Variants in ZNF804B observed in about 807,000 individuals in gnomAD.
ZNF804B encodes the protein zinc finger protein 804B.
ZNF804B carries 80 observed loss-of-function variants against 101.4 expected under a neutral mutation model. The ratio of observed to expected loss-of-function variants is 0.79; its 90% CI spans 0.66 to 0.95. The LOEUF (loss-of-function observed/expected upper bound fraction) is 0.95. Among genes scored for constraint, ZNF804B ranks in the 40% least tolerant of loss-of-function variants. The pLI, the probability that ZNF804B is intolerant of heterozygous loss-of-function variation, is 0.00. For synonymous variants in ZNF804B, 622 were observed against 558.8 expected, an observed-to-expected ratio of 1.11 and a Z score of -1.59; for missense variants, 1,673 against 1,561.9, an observed-to-expected ratio of 1.07 and a Z score of -1.20.
intron 1 of ZNF804B, among the ~76,000 whole-genome samples, chr7:89,116,112 C>T (rs996871782): frequency 1.3e-5 from 2 of 151,394 alleles, no homozygotes; most frequent in Non-Finnish European, 2.9e-5. Flanking sequence ...CAGTGTTTCG[C>T]CATGTTCCCC....
rs1008440662 is a variant in ZNF804B at position 88,987,702 on chromosome 7, A to C, written c.108+227618A>C. 3.3e-5 allele frequency among the ~76,000 whole-genome samples: 5 copies of C among 152,126 alleles called. 1 individual carries two copies. Among genetic ancestry groups the C allele is most frequent in the East Asian group, 1.9e-4 (1 of 5,180 alleles). On this transcript the variant is annotated intron_variant, in intron 1 of 3. Transcript: ENST00000333190. ...ACAAGCATACAATGTGTAACAAATAAGCCTGGGTAATTGGGATATCCATCA... is the reference window on the plus strand; with the variant it reads ...ACAAGCATACAATGTGTAACAAATACGCCTGGGTAATTGGGATATCCATCA...
chr7:89,060,654 C>T (rs534784042), intron 1 of ZNF804B, among the ~76,000 whole-genome samples: 138 of 152,180 alleles, frequency 9.1e-4, no homozygotes, highest in African/African-American at 3.2e-3. Context: ...ACACATAATG[C>T]CAATTTGATG....
At chr7:88,984,560 T>G (rs1793734035) in intron 1 of ZNF804B, among the ~76,000 whole-genome samples, 1 of 152,118 alleles carries the variant, frequency 6.6e-6, no homozygotes, top group Non-Finnish European at 1.5e-5. Flanking sequence ...TGTGCCAGAC[T>G]TCTGAATAGC....
intron 1 of ZNF804B, among the ~76,000 whole-genome samples, chr7:89,200,167 G>C (rs756191762): frequency 6.6e-6 from 1 of 151,574 alleles, no homozygotes; most frequent in Non-Finnish European, 1.5e-5. Flanking sequence ...GGTTGAGCTT[G>C]GATTAAAAGA....
In ZNF804B at chr7:89,316,174, G is replaced by A. The variant is rs112924805; in HGVS notation, c.250-11170G>A. 3.6e-3 allele frequency among the ~76,000 whole-genome samples: 541 copies of A among 152,214 alleles called. 5 individuals carry two copies. Among genetic ancestry groups the A allele is most frequent in the African/African-American group, 0.012 (519 of 41,530 alleles). ...CAAAGGTGGTTCTGGATAGGGGTTA[G>A]CAAGATTAATATGTTGAAGGGAAAT... On this transcript the variant is annotated intron_variant, in intron 2 of 3. Transcript: ENST00000333190.
At chr7:89,114,047 C>T (rs1790271575) in intron 1 of ZNF804B, among the ~76,000 whole-genome samples, 1 of 151,818 alleles carries the variant, frequency 6.6e-6, no homozygotes, top group South Asian at 2.1e-4. Flanking sequence ...AATAAGTAAA[C>T]AGAAGTGGTT....
intron 1 of ZNF804B, among the ~76,000 whole-genome samples, chr7:89,058,411 A>G (rs1789328387): frequency 6.6e-6 from 1 of 152,100 alleles, no homozygotes; most frequent in Admixed American, 6.6e-5. Flanking sequence ...TGATATTATC[A>G]CTATAAAAAG....
chr7:89,277,164 A>G (rs1480191122), intron 2 of ZNF804B, among the ~76,000 whole-genome samples: 1 of 149,044 alleles, frequency 6.7e-6, no homozygotes, highest in Non-Finnish European at 1.5e-5. Context: ...ATAAAATGTT[A>G]TATATAGATA....
intron 1 of ZNF804B, among the ~76,000 whole-genome samples, chr7:88,885,659 C>T (rs1474852756): frequency 6.7e-6 from 1 of 150,178 alleles, no homozygotes. Context: ...TATCTCCTTT[C>T]TGCATCTTTC....
chr7:88,823,868 C>A (rs1277183776), intron 1 of ZNF804B, among the ~76,000 whole-genome samples: 3 of 152,064 alleles, frequency 2.0e-5, no homozygotes, highest in Non-Finnish European at 4.4e-5. Context: ...AAGCATAAGA[C>A]CTGAAGAGGC....
At chr7:89,247,025 A>G (rs528771362) in intron 2 of ZNF804B, among the ~76,000 whole-genome samples, 1 of 152,084 alleles carries the variant, frequency 6.6e-6, no homozygotes, top group Non-Finnish European at 1.5e-5. Flanking sequence ...CCTCTCCACT[A>G]CATGCCTGCA....
intron 1 of ZNF804B, among the ~76,000 whole-genome samples, chr7:88,888,597 A>G (rs534159623): frequency 1.3e-5 from 2 of 152,284 alleles, no homozygotes; most frequent in East Asian, 3.9e-4. Flanking sequence ...TAGAAAAAAA[A>G]GACTGATTGC....
rs550482586 is a variant in ZNF804B, at chr7:89,305,850, T to G, written c.250-21494T>G. Among the ~76,000 whole-genome samples, 88 of 152,112 alleles carry G rather than the reference T, an allele frequency of 5.8e-4. 1 individual carries two copies. The highest frequency in any genetic ancestry group is 2.0e-3 in the African/African-American group (85 of 41,554). On this transcript the variant is annotated intron_variant, in intron 2 of 3. Coordinates refer to ENST00000333190, the MANE Select transcript of ZNF804B (RefSeq NM_181646.5). ...ATTCATCCATAGATTTACATCTATG[T>G]ACATTGAATAAAGATGTGTACTTTT...
intron 1 of ZNF804B, among the ~76,000 whole-genome samples, chr7:88,964,812 T>A (rs1295184911): frequency 6.6e-6 from 1 of 151,438 alleles, no homozygotes; most frequent in East Asian, 2.0e-4. Context: ...AACAGGCTCT[T>A]AGAAGCTCAC....
At chr7:89,332,460 G>GGAA (rs3061254) in intron 3 of ZNF804B, among the ~76,000 whole-genome samples, 3 of 151,630 alleles carry the variant, frequency 2.0e-5, no homozygotes, top group Non-Finnish European at 2.9e-5. Context: ...ACAAGAAAAA[G>GGAA]AATGCCAGTT....
intron 1 of ZNF804B, among the ~76,000 whole-genome samples, chr7:88,904,816 C>T (rs1792444110): frequency 6.6e-6 from 1 of 152,130 alleles, no homozygotes; most frequent in Non-Finnish European, 1.5e-5. Context: ...TGGAACATTA[C>T]AAAAGATGTG....
At position 89,082,807 on chromosome 7, in the gene ZNF804B, G is replaced by C. The variant is rs377470782; in HGVS notation, c.109-135348G>C. On this transcript the variant is annotated intron_variant, in intron 1 of 3. Transcript: ENST00000333190. ...CTATTCAATGGAAGACATGTGTAGC[G>C]ATCTAAATAAGTGTAAAAATGGTAA... 2.2e-4 allele frequency among the ~76,000 whole-genome samples: 33 copies of C among 151,848 alleles called. No homozygotes were observed. The East Asian group carries it at 3.5e-3, about 16-fold the overall frequency.
intron 3 of ZNF804B, among the ~76,000 whole-genome samples, chr7:89,332,743 A>G (rs1287672101): frequency 1.3e-5 from 2 of 152,008 alleles, no homozygotes; most frequent in East Asian, 3.9e-4. Context: ...AAGCAGAAGA[A>G]AAGATTTCAA....
chr7:88,929,703 C>A (rs1015698579), intron 1 of ZNF804B, among the ~76,000 whole-genome samples: 1 of 151,786 alleles, frequency 6.6e-6, no homozygotes, highest in Non-Finnish European at 1.5e-5. Context: ...AGTCTTTGAA[C>A]AACAACAACA....
Sources: gnomAD v4.1 joint callset for allele counts (sites outside exome capture counted in the v4.1 genomes callset) on GRCh38, gnomAD v4.1.1 for gene constraint, MANE v1.5 for transcripts, NCBI Gene and HGNC (gene_info 2026-07-23, HGNC 2026-07-21) for gene names.